TMEM38B: variants seen among roughly 807,000 people sequenced by gnomAD.
The protein encoded by TMEM38B is trimeric intracellular cation channel type B.
Under a neutral mutation model 28.7 loss-of-function variants are expected in TMEM38B, and 24 were observed. The ratio of observed to expected loss-of-function variants is 0.84; its 90% confidence interval spans 0.61 to 1.18. The LOEUF is 1.18. Ranked by LOEUF, TMEM38B falls within the 50% of genes most tolerant of loss-of-function variation. The pLI is 0.00. For missense variants in TMEM38B, 380 were observed against 350.9 expected (o/e 1.08, Z -0.66); for synonymous variants, 131 against 127.7 (o/e 1.03, Z -0.17).
intron 4 of TMEM38B, 25 bp from the exon 5 acceptor site, chr9:105,748,048 G>T: frequency 6.7e-7 from 1 of 1,490,334 alleles, no homozygotes; most frequent in South Asian, 1.1e-5. Context: ...ATTACTTGCT[G>T]ATTTAAAATG....
chr9:105,712,942 A>T (rs929294370), intron 2 of TMEM38B, among the ~76,000 whole-genome samples: 31 of 152,212 alleles, frequency 2.0e-4, no homozygotes, highest in African/African-American at 7.5e-4. Context: ...TTGCATGGCA[A>T]TGTTGCCCCT....
chr9:105,700,689 C>T (rs534616126), intron 1 of TMEM38B, among the ~76,000 whole-genome samples: 2 of 152,118 alleles, frequency 1.3e-5, no homozygotes, highest in African/African-American at 4.8e-5. Flanking sequence ...TTGTTCCTTT[C>T]CTGTAATTTG....
At chr9:105,706,547 T>C (rs564638042) in intron 2 of TMEM38B, among the ~76,000 whole-genome samples, 3 of 152,338 alleles carry the variant, frequency 2.0e-5, no homozygotes, top group Non-Finnish European at 4.4e-5. Context: ...ATATAGTGCA[T>C]AACTTGTGGC....
At chr9:105,760,918 G>A (rs1838021446) in intron 5 of TMEM38B, among the ~76,000 whole-genome samples, 1 of 152,124 alleles carries the variant, frequency 6.6e-6, no homozygotes, top group Admixed American at 6.6e-5. Flanking sequence ...AGACTCCTAG[G>A]AGACTAACTA....
chr9:105,717,608 A>G (rs1807822613), intron 2 of TMEM38B, among the ~76,000 whole-genome samples: 1 of 152,148 alleles, frequency 6.6e-6, no homozygotes, highest in African/African-American at 2.4e-5. Flanking sequence ...TTCTATTTAT[A>G]AAACCTTTAA....
intron 5 of TMEM38B, chr9:105,760,016 G>C (rs1457642809): frequency 7.0e-6 from 10 of 1,433,174 alleles, no homozygotes; most frequent in Non-Finnish European, 9.7e-6. Context: ...CTCTGCAAAA[G>C]TTCAATAGAA....
chr9:105,774,040 C>T lies in TMEM38B; in HGVS notation c.836C>T (p.Ser279Leu). 1 of 1,613,614 alleles carries T rather than the reference C, an allele frequency of 6.2e-7. No homozygotes were observed. Among genetic ancestry groups the T allele is most frequent in the Non-Finnish European group, 8.5e-7 (1 of 1,179,736 alleles). The change falls in exon 6 of 6, where the codon TCA becomes TTA. Residue 279 changes from serine to leucine, a missense_variant. Coordinates refer to ENST00000374692, the MANE Select transcript of TMEM38B (RefSeq NM_018112.3). The part of the protein sequence containing the change: ...SLASKPVDVA[S>L]DNVKKKHTKK... ...GCCTCAAAGCCGGTAGATGTTGCCT[C>T]AGATAATGTTAAAAAGAAACATACT...
At chr9:105,748,959 GAT>G (rs570467605) in intron 5 of TMEM38B, 68 of 746,280 alleles carry the variant, frequency 9.1e-5, no homozygotes, top group South Asian at 8.0e-4. Flanking sequence ...TTTTAGACTA[GAT>G]ATTTTTGGCT....
At chr9:105,764,296 C>T (rs1292082337) in intron 5 of TMEM38B, among the ~76,000 whole-genome samples, 3 of 152,152 alleles carry the variant, frequency 2.0e-5, no homozygotes, top group Admixed American at 6.5e-5. Flanking sequence ...CAAATTGTCC[C>T]TGTTTGCAGA....
chr9:105,739,305 CTTTTTTTT>C (rs769439573), intron 4 of TMEM38B, among the ~76,000 whole-genome samples: 1 of 136,834 alleles, frequency 7.3e-6, no homozygotes. Context: ...TAACTTGGTT[CTTTTTTTT>C]TTTTTTCCAA....
intron 4 of TMEM38B, among the ~76,000 whole-genome samples, 153 bp downstream of exon 4, chr9:105,722,774 G>A (rs902247052): frequency 6.6e-6 from 1 of 151,962 alleles, no homozygotes; most frequent in African/African-American, 2.4e-5. Flanking sequence ...AGCAAATTTT[G>A]TTCTTTTAAA....
At chr9:105,735,060 T>C (rs1836921350) in intron 4 of TMEM38B, among the ~76,000 whole-genome samples, 1 of 152,106 alleles carries the variant, frequency 6.6e-6, no homozygotes, top group Non-Finnish European at 1.5e-5. Context: ...AATTTGCATA[T>C]TTACTGTATT....
At chr9:105,739,287 G>A (rs1458480857) in intron 4 of TMEM38B, among the ~76,000 whole-genome samples, 3 of 148,724 alleles carry the variant, frequency 2.0e-5, no homozygotes, top group African/African-American at 7.4e-5. Flanking sequence ...TAGGCAGTGT[G>A]TGTCCTTTAA....
Position 105,774,293 on chromosome 9 carries a change from G to A in TMEM38B, c.*213G>A, listed in dbSNP as rs553816909. ...GTGTATCATGTGATTATGCTTTACC[G>A]GTATAAGAGATTCTGTTGTGATTAT... On this transcript the variant is annotated 3_prime_UTR_variant, in exon 6 of 6. Coordinates refer to ENST00000374692, the MANE Select transcript of TMEM38B (RefSeq NM_018112.3). 24 of 421,844 alleles carry A rather than the reference G, an allele frequency of 5.7e-5. No individual in the cohort carries two copies. Among genetic ancestry groups the A allele is most frequent in the Middle Eastern group, 1.3e-3 (2 of 1,576 alleles). 26.1% of individuals were successfully genotyped at this position (421,844 alleles called of 1,614,324 possible). A position where few individuals can be genotyped will look rare whatever the true frequency, so the allele number is the denominator to read the frequency against.
chr9:105,717,756 T>C (rs1836163141), intron 2 of TMEM38B, among the ~76,000 whole-genome samples: 1 of 152,200 alleles, frequency 6.6e-6, no homozygotes, highest in African/African-American at 2.4e-5. Flanking sequence ...TGCTGTATAG[T>C]CCATTATATT....
chr9:105,705,598 A>T lies in TMEM38B; in HGVS notation c.114A>T (p.Gly38=). The T allele has an allele frequency of 6.2e-7, 1 of 1,612,068 alleles. No individual in the cohort carries two copies. Among genetic ancestry groups the T allele is most frequent in the Non-Finnish European group, 8.5e-7 (1 of 1,178,964 alleles). Residue 38 remains glycine, a splice_region_variant and synonymous_variant, in exon 2 of 6, where the codon GGA becomes GGT. Coordinates refer to ENST00000374692, the MANE Select transcript of TMEM38B (RefSeq NM_018112.3). The part of the protein sequence containing the change: ...VSVMAVKRQP[G]AAALAWKNPI... ...CCATATTTTACTTTACCATTTCAGG[A>T]GCAGCTGCATTGGCATGGAAGAATC...
At chr9:105,760,051 G>T in intron 5 of TMEM38B, 1 of 1,234,940 alleles carries the variant, frequency 8.1e-7, no homozygotes, top group Non-Finnish European at 1.2e-6. Flanking sequence ...TTTACTTCCA[G>T]CTTCTTCTGT....
intron 5 of TMEM38B, among the ~76,000 whole-genome samples, chr9:105,766,741 GTTTT>G (rs565022485): frequency 6.7e-6 from 1 of 148,660 alleles, no homozygotes; most frequent in South Asian, 2.1e-4. Flanking sequence ...TTTTTTTTCT[GTTTT>G]TTTTTATTAT....
intron 2 of TMEM38B, among the ~76,000 whole-genome samples, chr9:105,712,555 A>G (rs1487718595): frequency 2.0e-5 from 3 of 152,222 alleles, no homozygotes; most frequent in Non-Finnish European, 4.4e-5. Context: ...ATTGATGCAG[A>G]ATCCAAATCA....
Sources: allele counts gnomAD v4.1 joint callset (sites outside exome capture counted in the v4.1 genomes callset), GRCh38; gene constraint gnomAD v4.1.1; transcripts MANE v1.5; gene names NCBI Gene and HGNC (gene_info 2026-07-23, HGNC 2026-07-21).